The following RSU1 variants were observed in gnomAD, a reference collection of about 807,000 sequenced individuals.
RSU1 encodes Ras suppressor protein 1.
A neutral mutation model predicts 31.1 loss-of-function variants in RSU1; 26 were observed. The observed-to-expected ratio is 0.84, with a 90% CI of 0.61 to 1.16. The LOEUF is 1.16. RSU1 is among the 50% of genes most tolerant of loss of function. The pLI is 0.00. For missense variants in RSU1, 320 were observed against 339.1 expected (o/e 0.94, Z 0.44); for synonymous variants, 164 against 136.3 (o/e 1.20, Z -1.41).
intron 2 of RSU1, among the ~76,000 whole-genome samples, chr10:16,815,817 T>C (rs1473755939): frequency 6.6e-6 from 1 of 152,206 alleles, no homozygotes; most frequent in Non-Finnish European, 1.5e-5. Flanking sequence ...ATGTCTAAGC[T>C]GACTCTTAGA....
chr10:16,699,576 T>C (rs982217348), intron 7 of RSU1, among the ~76,000 whole-genome samples: 1 of 152,172 alleles, frequency 6.6e-6, no homozygotes, highest in Non-Finnish European at 1.5e-5. Flanking sequence ...CTTCAGTGCG[T>C]TGAGTTAGGA....
intron 2 of RSU1, among the ~76,000 whole-genome samples, chr10:16,794,850 A>C (rs189205041): frequency 1.3e-5 from 2 of 152,358 alleles, no homozygotes; most frequent in Admixed American, 6.5e-5. Flanking sequence ...AAGACACAAA[A>C]GCAAAGCAAA....
At chr10:16,753,642 G>T (rs552433431) in intron 5 of RSU1, among the ~76,000 whole-genome samples, 4 of 152,182 alleles carry the variant, frequency 2.6e-5, no homozygotes, top group Admixed American at 6.5e-5. Context: ...AATATCAGTA[G>T]TCAGAAATTT....
At chr10:16,607,079 A>T (rs1415065197) in intron 8 of RSU1, among the ~76,000 whole-genome samples, 1 of 152,130 alleles carries the variant, frequency 6.6e-6, no homozygotes, top group African/African-American at 2.4e-5. Flanking sequence ...TTTCTCATGA[A>T]TGGTTCAGCA....
intron 3 of RSU1, among the ~76,000 whole-genome samples, chr10:16,781,061 A>G (rs1157169334): frequency 6.6e-6 from 1 of 152,212 alleles, no homozygotes; most frequent in Non-Finnish European, 1.5e-5. Context: ...ACATAAATTC[A>G]TGACACAAAT....
chr10:16,682,877 T>C (rs968548036), intron 8 of RSU1, among the ~76,000 whole-genome samples: 1 of 152,098 alleles, frequency 6.6e-6, no homozygotes, highest in African/African-American at 2.4e-5. Flanking sequence ...ACACCGCACA[T>C]GCCCTCCTTA....
chr10:16,764,662 G>C (rs1280785972), intron 3 of RSU1, 152 bp from the exon 4 acceptor site: 1 of 808,402 alleles, frequency 1.2e-6, no homozygotes, highest in Non-Finnish European at 1.9e-6. Flanking sequence ...ATTTTTTACA[G>C]GTTTTTCATA....
chr10:16,680,466 T>C (rs1835309637), intron 8 of RSU1, among the ~76,000 whole-genome samples: 1 of 152,156 alleles, frequency 6.6e-6, no homozygotes, highest in South Asian at 2.1e-4. Context: ...AGAAAAGAAG[T>C]TTAATTTGCT....
At chr10:16,799,925 G>A (rs899013733) in intron 2 of RSU1, among the ~76,000 whole-genome samples, 1 of 152,144 alleles carries the variant, frequency 6.6e-6, no homozygotes, top group African/African-American at 2.4e-5. Context: ...CTAAGCACAG[G>A]ATTACAGAAC....
chr10:16,627,526 G>T (rs1036810088), intron 8 of RSU1, among the ~76,000 whole-genome samples: 1 of 152,142 alleles, frequency 6.6e-6, no homozygotes, highest in East Asian at 1.9e-4. Context: ...GACCGAGGCA[G>T]GTGGATCACT....
At chr10:16,782,970 G>A (rs1837687682) in intron 2 of RSU1, among the ~76,000 whole-genome samples, 1 of 151,494 alleles carries the variant, frequency 6.6e-6, no homozygotes, top group Non-Finnish European at 1.5e-5. Context: ...GAGTACAGTG[G>A]CACAATGTCA....
chr10:16,786,337 TC>T (rs1428126123), intron 2 of RSU1, among the ~76,000 whole-genome samples: 1 of 152,164 alleles, frequency 6.6e-6, no homozygotes, highest in Non-Finnish European at 1.5e-5. Flanking sequence ...CCAGTATGAG[TC>T]CATCCAAGCT....
intron 3 of RSU1, among the ~76,000 whole-genome samples, chr10:16,781,420 T>C (rs1225246443): frequency 1.3e-5 from 2 of 152,230 alleles, no homozygotes; most frequent in Non-Finnish European, 2.9e-5. Flanking sequence ...AGGTATATCA[T>C]GTATACAATT....
intron 8 of RSU1, among the ~76,000 whole-genome samples, chr10:16,676,106 AGGTC>A (rs1835226131): frequency 6.6e-6 from 1 of 152,258 alleles, no homozygotes; most frequent in African/African-American, 2.4e-5. Context: ...TTCTAGAGAA[AGGTC>A]ATACCCTTTA....
At chr10:16,738,724 G>C (rs955871449) in intron 7 of RSU1, among the ~76,000 whole-genome samples, 1 of 152,106 alleles carries the variant, frequency 6.6e-6, no homozygotes, top group Non-Finnish European at 1.5e-5. Flanking sequence ...TAAGTTCCAG[G>C]ATACCTATGC....
chr10:16,762,112 T>G (rs1353282022), intron 4 of RSU1, among the ~76,000 whole-genome samples: 1 of 151,962 alleles, frequency 6.6e-6, no homozygotes, highest in Non-Finnish European at 1.5e-5. Flanking sequence ...ATAGGTAAGG[T>G]CAGGGACCAT....
Position 16,645,920 on chromosome 10 carries a change from G to A in RSU1, c.731+49103C>T, listed in dbSNP as rs1412699173. The stretch of plus-strand genomic sequence containing the variant: ...TATATACACATATATGTATATATAT[G>A]TGTATATACACATATGTGTATATAT... On this transcript the variant is annotated intron_variant, in intron 8 of 8. Coordinates refer to ENST00000345264, the MANE Select transcript of RSU1 (RefSeq NM_012425.4). Among the ~76,000 whole-genome samples the A allele has an allele frequency of 6.3e-3, 125 of 19,968 alleles. 32 individuals carry two copies. Among genetic ancestry groups the A allele is most frequent in the African/African-American group, 0.024 (99 of 4,094 alleles). The allele number at this position is 19,968 out of a possible 152,430, so 13.1% of individuals were successfully genotyped here. A position where few individuals can be genotyped will look rare whatever the true frequency, so the allele number is the denominator to read the frequency against.
intron 8 of RSU1, among the ~76,000 whole-genome samples, chr10:16,596,344 AG>A (rs1833612637): frequency 6.6e-6 from 1 of 152,224 alleles, no homozygotes; most frequent in Non-Finnish European, 1.5e-5. Flanking sequence ...AGATAGGCAG[AG>A]GAAATGCTCA....
intron 2 of RSU1, 55 bp downstream of exon 2, chr10:16,816,918 C>A: frequency 7.7e-7 from 1 of 1,306,580 alleles, no homozygotes; most frequent in Non-Finnish European, 1.1e-6. Flanking sequence ...AGTGAATTGG[C>A]AAACTTAGAA....
Sources: allele counts gnomAD v4.1 joint callset (sites outside exome capture counted in the v4.1 genomes callset), GRCh38; gene constraint gnomAD v4.1.1; transcripts MANE v1.5; gene names NCBI Gene and HGNC (gene_info 2026-07-23, HGNC 2026-07-21).